Variants in ROBO2 observed in about 807,000 individuals in gnomAD.
The protein encoded by ROBO2 is roundabout guidance receptor 2, also known as roundabout homolog 2.
A neutral mutation model predicts 160.8 loss-of-function variants in ROBO2; 53 were observed. The observed-to-expected ratio is 0.33, with a 90% CI of 0.26 to 0.41. ROBO2 has a LOEUF of 0.41. Ranked by LOEUF, ROBO2 falls within the 10% of genes least tolerant of loss-of-function variation. The pLI is 1.00. For synonymous variants in ROBO2, 664 were observed against 611.7 expected (o/e 1.09, Z -1.26); for missense variants, 1,577 against 1,722.4 (o/e 0.92, Z 1.49).
At chr3:77,529,283 T>C (rs890496813) in intron 6 of ROBO2, among the ~76,000 whole-genome samples, 1 of 151,528 alleles carries the variant, frequency 6.6e-6, no homozygotes. Context: ...TGCAACCTTA[T>C]TTAGAAGTTT....
At chr3:76,217,874 A>G (rs1040996977) in intron 2 of ROBO2, among the ~76,000 whole-genome samples, 4 of 152,078 alleles carry the variant, frequency 2.6e-5, no homozygotes, top group South Asian at 2.1e-4. Context: ...GAGAATTTTA[A>G]ACCAATATCC....
intron 2 of ROBO2, among the ~76,000 whole-genome samples, chr3:76,464,225 C>A (rs980829364): frequency 2.6e-5 from 4 of 152,040 alleles, no homozygotes; most frequent in African/African-American, 7.3e-5. Context: ...TCTTTCATAT[C>A]TACAGGTTAC....
intron 2 of ROBO2, among the ~76,000 whole-genome samples, chr3:76,393,911 A>T (rs1187561919): frequency 1.3e-5 from 2 of 152,182 alleles, no homozygotes; most frequent in East Asian, 3.8e-4. Flanking sequence ...AGATTTGTTA[A>T]TAGGGATATA....
intron 2 of ROBO2, among the ~76,000 whole-genome samples, chr3:76,121,276 A>T (rs943566580): frequency 5.3e-5 from 8 of 152,150 alleles, no homozygotes; most frequent in African/African-American, 1.9e-4. Context: ...GCTAACATTT[A>T]CCTTTCCTAG....
intron 2 of ROBO2, among the ~76,000 whole-genome samples, chr3:76,114,339 G>T (rs1296415472): frequency 1.3e-5 from 2 of 151,994 alleles, no homozygotes; most frequent in African/African-American, 4.8e-5. Context: ...ATCACTAATG[G>T]AATAAATTGA....
At chr3:75,914,539 T>C (rs558168849) in intron 1 of ROBO2, among the ~76,000 whole-genome samples, 1 of 152,248 alleles carries the variant, frequency 6.6e-6, no homozygotes, top group African/African-American at 2.4e-5. Flanking sequence ...GAAAGTATAA[T>C]TTTTCTGGAG....
chr3:77,057,272 G>C (rs2065847973), intron 1 of ROBO2, among the ~76,000 whole-genome samples: 1 of 152,054 alleles, frequency 6.6e-6, no homozygotes, highest in African/African-American at 2.4e-5. Flanking sequence ...GAGAACACTT[G>C]GACACAGGGT....
At chr3:76,176,930 A>G (rs1298726890) in intron 2 of ROBO2, among the ~76,000 whole-genome samples, 1 of 152,166 alleles carries the variant, frequency 6.6e-6, no homozygotes, top group Non-Finnish European at 1.5e-5. Flanking sequence ...GGGTAAAACT[A>G]GAATTTGAAC....
chr3:76,558,755 A>G (rs1578141720), intron 2 of ROBO2, among the ~76,000 whole-genome samples: 1 of 152,112 alleles, frequency 6.6e-6, no homozygotes, highest in Non-Finnish European at 1.5e-5. Context: ...AACACTTGAA[A>G]CATTGAACAA....
intron 2 of ROBO2, among the ~76,000 whole-genome samples, chr3:77,458,090 G>A (rs2081873835): frequency 6.6e-6 from 1 of 152,058 alleles, no homozygotes; most frequent in Non-Finnish European, 1.5e-5. Flanking sequence ...TTAGATAAGA[G>A]GCGCCATTAT....
At chr3:77,436,639 T>C (rs2153547864) in intron 2 of ROBO2, among the ~76,000 whole-genome samples, 1 of 151,970 alleles carries the variant, frequency 6.6e-6, no homozygotes, top group South Asian at 2.1e-4. Context: ...TGAGTTGATG[T>C]AAAAAGAACA....
rs72888480 is a variant in ROBO2, at chr3:75,952,217, C to G, written c.109+14615C>G. Reference sequence around the variant, plus strand: ...TGTTCTTCTCAATATTTTTTTTAAACCAAACTATGATTGATTTAACTATAA... The same window carrying G: ...TGTTCTTCTCAATATTTTTTTTAAAGCAAACTATGATTGATTTAACTATAA... On this transcript the variant is annotated intron_variant, in intron 2 of 26. Coordinates refer to the ROBO2 transcript ENST00000487694. 4.0e-3 allele frequency among the ~76,000 whole-genome samples: 602 copies of G among 151,800 alleles called. 5 individuals are homozygous for G. Among genetic ancestry groups the G allele is most frequent in the African/African-American group, 0.014 (581 of 41,450 alleles).
At chr3:75,976,455 A>T (rs1175352696) in intron 2 of ROBO2, among the ~76,000 whole-genome samples, 1 of 151,570 alleles carries the variant, frequency 6.6e-6, no homozygotes. Flanking sequence ...CAGAAAGTAC[A>T]TACTGTATAA....
At chr3:77,360,054 C>A (rs950929392) in intron 2 of ROBO2, among the ~76,000 whole-genome samples, 5 of 152,148 alleles carry the variant, frequency 3.3e-5, no homozygotes, top group African/African-American at 1.2e-4. Context: ...AGTACTAAAT[C>A]TCTGCTGTGT....
chr3:76,279,465 G>A (rs575317720), intron 2 of ROBO2, among the ~76,000 whole-genome samples: 5 of 151,890 alleles, frequency 3.3e-5, no homozygotes, highest in East Asian at 1.9e-4. Flanking sequence ...TATGGCAAGC[G>A]AAAAGTTACA....
chr3:76,908,422 T>A (rs1470153842), intron 2 of ROBO2, among the ~76,000 whole-genome samples: 1 of 152,128 alleles, frequency 6.6e-6, no homozygotes, highest in African/African-American at 2.4e-5. Flanking sequence ...CAGACCCAGA[T>A]ATATCAGTCA....
intron 2 of ROBO2, among the ~76,000 whole-genome samples, chr3:76,459,893 AC>A (rs2077989098): frequency 6.6e-6 from 1 of 152,134 alleles, no homozygotes; most frequent in Admixed American, 6.6e-5. Flanking sequence ...AAAAATAATA[AC>A]TTCTCCAAAT....
At chr3:77,465,442 G>T (rs1436015090) in intron 2 of ROBO2, among the ~76,000 whole-genome samples, 2 of 152,144 alleles carry the variant, frequency 1.3e-5, no homozygotes, top group Non-Finnish European at 2.9e-5. Flanking sequence ...TGAAAGTGTA[G>T]TAAGTCCTCA....
chr3:76,259,898 G>C (rs1559693398), intron 2 of ROBO2, among the ~76,000 whole-genome samples: 2 of 152,146 alleles, frequency 1.3e-5, no homozygotes, highest in Non-Finnish European at 1.5e-5. Context: ...GTGTCTGCTG[G>C]CAGCATCAGT....
Sources: allele counts gnomAD v4.1 joint callset (sites outside exome capture counted in the v4.1 genomes callset), GRCh38; gene constraint gnomAD v4.1.1; transcripts MANE v1.5; gene names NCBI Gene and HGNC (gene_info 2026-07-23, HGNC 2026-07-21).